LMBR1: variants seen among roughly 807,000 people sequenced by gnomAD.
The protein encoded by LMBR1 is limb region 1 protein homolog.
In LMBR1, 52 loss-of-function variants were observed where a neutral mutation model predicts 73.9. The observed-to-expected ratio is 0.70, with a 90% CI of 0.56 to 0.89. The LOEUF (loss-of-function observed/expected upper bound fraction) is 0.89, where lower values mean the gene tolerates loss of function less well. Among genes scored for constraint, LMBR1 ranks in the 40% least tolerant of loss-of-function variants. The probability of loss-of-function intolerance (pLI) is 0.00; values close to 1 mark genes in which losing one functional copy is unlikely to be tolerated. For missense variants in LMBR1, 539 were observed against 579.8 expected, an observed-to-expected ratio of 0.93 and a Z score of 0.72; for synonymous variants, 215 against 209.4, an observed-to-expected ratio of 1.03 and a Z score of -0.23.
intron 16 of LMBR1, among the ~76,000 whole-genome samples, chr7:156,686,857 T>C (rs1360780384): frequency 6.6e-6 from 1 of 152,238 alleles, no homozygotes; most frequent in Non-Finnish European, 1.5e-5. Context: ...GCTAGACATC[T>C]GATAAAAAGG....
intron 15 of LMBR1, among the ~76,000 whole-genome samples, chr7:156,714,272 C>T (rs1434505022): frequency 6.6e-5 from 10 of 152,152 alleles, no homozygotes; most frequent in Admixed American, 5.9e-4. Context: ...GAAAACTGCA[C>T]CAAGTGTTAT....
At chr7:156,736,725 A>G (rs535834835) in intron 9 of LMBR1, 14 of 367,868 alleles carry the variant, frequency 3.8e-5, no homozygotes, top group African/African-American at 2.5e-4. Context: ...CAATGTCTAC[A>G]TTATTATAAC....
intron 1 of LMBR1, among the ~76,000 whole-genome samples, chr7:156,870,609 CAAA>C (rs1255045487): frequency 6.6e-6 from 1 of 151,796 alleles, no homozygotes; most frequent in Admixed American, 6.6e-5. Flanking sequence ...ACTAAAAATA[CAAA>C]AAATTAGCCA....
At chr7:156,795,707 C>T (rs1015580555) in intron 5 of LMBR1, among the ~76,000 whole-genome samples, 40 of 152,126 alleles carry the variant, frequency 2.6e-4, no homozygotes, top group African/African-American at 9.4e-4. Flanking sequence ...TACCCATCGC[C>T]ACACCCAGTT....
At chr7:156,753,628 G>A (rs569669093) in intron 9 of LMBR1, among the ~76,000 whole-genome samples, 2 of 152,244 alleles carry the variant, frequency 1.3e-5, no homozygotes, top group South Asian at 2.1e-4. Flanking sequence ...GACACAGGGC[G>A]CAAGGAACCT....
At chr7:156,748,782 C>T (rs1402213228) in intron 9 of LMBR1, among the ~76,000 whole-genome samples, 4 of 152,146 alleles carry the variant, frequency 2.6e-5, no homozygotes, top group Non-Finnish European at 5.9e-5. Flanking sequence ...AGCCACTGCA[C>T]CCAGCCAATT....
intron 15 of LMBR1, among the ~76,000 whole-genome samples, chr7:156,714,494 GC>G (rs1812768145): frequency 6.6e-6 from 1 of 152,176 alleles, no homozygotes; most frequent in Non-Finnish European, 1.5e-5. Flanking sequence ...ATTACTAATG[GC>G]TCAGAATGTG....
At chr7:156,882,858 C>T (rs142545135) in intron 1 of LMBR1, among the ~76,000 whole-genome samples, 1,701 of 152,014 alleles carry the variant, frequency 0.011, 10 homozygotes, top group Non-Finnish European at 0.017. Context: ...AGTGAAACCC[C>T]GTCTCTACTA....
intron 4 of LMBR1, among the ~76,000 whole-genome samples, chr7:156,804,661 G>A (rs1269113623): frequency 2.6e-5 from 4 of 151,980 alleles, no homozygotes; most frequent in Admixed American, 2.0e-4. Context: ...TTTTAGCTAA[G>A]TATCTCTTCA....
intron 1 of LMBR1, among the ~76,000 whole-genome samples, chr7:156,850,731 C>G (rs1388722532): frequency 6.6e-6 from 1 of 152,232 alleles, no homozygotes; most frequent in Non-Finnish European, 1.5e-5. Context: ...TATACCCACA[C>G]AAGGATGTAT....
intron 5 of LMBR1, among the ~76,000 whole-genome samples, chr7:156,769,979 T>G (rs560040259): frequency 6.6e-6 from 1 of 152,092 alleles, no homozygotes; most frequent in East Asian, 1.9e-4. Context: ...TTACGGCCCA[T>G]GCAGACCGCC....
intron 1 of LMBR1, among the ~76,000 whole-genome samples, chr7:156,883,478 C>T (rs1801409444): frequency 6.6e-6 from 1 of 152,110 alleles, no homozygotes; most frequent in African/African-American, 2.4e-5. Context: ...TTTCCTTTAA[C>T]CTCAAGTACA....
Position 156,847,531 on chromosome 7 carries a change from A to G in LMBR1, c.67-10646T>C, listed in dbSNP as rs550228376. Reference sequence around the variant, plus strand: ...CACAGGCTGGGAGAAAATATTTGCAAAAGACTCCTCTGATAAAGGACTACT... The same window carrying G: ...CACAGGCTGGGAGAAAATATTTGCAGAAGACTCCTCTGATAAAGGACTACT... On this transcript the variant is annotated intron_variant, in intron 1 of 16. Coordinates refer to ENST00000353442, the MANE Select transcript of LMBR1 (RefSeq NM_022458.4). Among the ~76,000 whole-genome samples, 10 of 152,336 alleles carry G rather than the reference A, an allele frequency of 6.6e-5. No individual in the cohort carries two copies. The South Asian group carries it at 1.9e-3, about 28-fold the overall frequency.
intron 1 of LMBR1, among the ~76,000 whole-genome samples, chr7:156,849,078 T>A (rs1795901890): frequency 6.6e-6 from 1 of 152,090 alleles, no homozygotes; most frequent in Admixed American, 6.5e-5. Flanking sequence ...AGAGCACTAT[T>A]CACAATAGCA....
intron 4 of LMBR1, among the ~76,000 whole-genome samples, chr7:156,801,420 TG>T (rs1830948309): frequency 6.6e-6 from 1 of 152,222 alleles, no homozygotes; most frequent in Non-Finnish European, 1.5e-5. Context: ...TTATATGCTC[TG>T]AGAAATCAAA....
intron 16 of LMBR1, among the ~76,000 whole-genome samples, chr7:156,686,587 T>C (rs1806068055): frequency 6.6e-6 from 1 of 152,232 alleles, no homozygotes; most frequent in Non-Finnish European, 1.5e-5. Context: ...GGTAGTTTTA[T>C]ACAACTCTTG....
At chr7:156,711,529 G>A (rs1400204170) in intron 15 of LMBR1, among the ~76,000 whole-genome samples, 1 of 151,948 alleles carries the variant, frequency 6.6e-6, no homozygotes, top group African/African-American at 2.4e-5. Flanking sequence ...AACCAAAAAA[G>A]AGCATGAATA....
intron 9 of LMBR1, among the ~76,000 whole-genome samples, chr7:156,750,708 T>A (rs1395464298): frequency 1.3e-5 from 2 of 152,222 alleles, no homozygotes; most frequent in Non-Finnish European, 2.9e-5. Flanking sequence ...TTACCACATA[T>A]CCACCATGTG....
At chr7:156,836,743 A>G (rs746628755) in intron 2 of LMBR1, 70 bp downstream of exon 2, 79 of 968,486 alleles carry the variant, frequency 8.2e-5, no homozygotes, top group Admixed American at 1.6e-4. Flanking sequence ...GTGTACTAAT[A>G]TATCTTATAT....
Sources: gnomAD v4.1 joint callset for allele counts (sites outside exome capture counted in the v4.1 genomes callset) on GRCh38, gnomAD v4.1.1 for gene constraint, MANE v1.5 for transcripts, NCBI Gene and HGNC (gene_info 2026-07-23, HGNC 2026-07-21) for gene names.